SCD5: variants seen among roughly 807,000 people sequenced by gnomAD.
The protein encoded by SCD5 is stearoyl-CoA desaturase 5.
Under a neutral mutation model 30.4 loss-of-function variants are expected in SCD5, and 20 were observed. The ratio of observed to expected loss-of-function variants is 0.66; its 90% CI spans 0.46 to 0.96. SCD5 has a LOEUF of 0.96. Ranked by LOEUF, SCD5 falls within the 40% of genes least tolerant of loss-of-function variation. SCD5 has a pLI of 0.00. For synonymous variants in SCD5, 173 were observed against 176.4 expected, an observed-to-expected ratio of 0.98 and a Z score of 0.16; for missense variants, 381 against 443.3, an observed-to-expected ratio of 0.86 and a Z score of 1.26.
chr4:82,794,674 G>T (rs1722172199), intron 1 of SCD5, among the ~76,000 whole-genome samples: 1 of 150,158 alleles, frequency 6.7e-6, no homozygotes, highest in Non-Finnish European at 1.5e-5. Context: ...TTTTGAGACG[G>T]AGTCTCACTC....
intron 1 of SCD5, among the ~76,000 whole-genome samples, chr4:82,762,290 T>G (rs891156174): frequency 6.6e-6 from 1 of 151,052 alleles, no homozygotes; most frequent in African/African-American, 2.4e-5. Context: ...TCTCACTCTG[T>G]TGCCCAGGCT....
At chr4:82,747,009 T>C (rs1158712802) in intron 1 of SCD5, among the ~76,000 whole-genome samples, 1 of 149,878 alleles carries the variant, frequency 6.7e-6, no homozygotes. Context: ...AACAGTGGAA[T>C]GACACAGGCA....
intron 1 of SCD5, among the ~76,000 whole-genome samples, chr4:82,741,254 A>G (rs151241357): frequency 3.3e-5 from 5 of 152,124 alleles, no homozygotes; most frequent in Admixed American, 2.6e-4. Flanking sequence ...CCCACTTCTT[A>G]TATCTAGGCT....
rs554702694 is a variant in SCD5, at chr4:82,798,588, C to T, written c.-51G>A. On this transcript the variant is annotated 5_prime_UTR_variant, in exon 1 of 5. Transcript: ENST00000319540. Reference sequence around the variant, plus strand: ...CAGCGGCAGGCAGGCAGGCGCTCTGCCCGAGCGGAGCTCGAGGGTGGGGGC... The same window carrying T: ...CAGCGGCAGGCAGGCAGGCGCTCTGTCCGAGCGGAGCTCGAGGGTGGGGGC... 282 of 1,488,676 alleles carry T rather than the reference C, an allele frequency of 1.9e-4. 4 individuals carry two copies. In the South Asian group the frequency reaches 3.6e-3, roughly 19 times the overall value. The allele number at this position is 1,488,676 out of a possible 1,614,324, so 92.2% of individuals were successfully genotyped here.
At position 82,798,382 on chromosome 4, in the gene SCD5, C is replaced by G; in HGVS notation, c.156G>C (p.Leu52=). The change falls in exon 1 of 5, where the codon CTG becomes CTC. Residue 52 remains leucine, a synonymous_variant. Transcript: ENST00000319540. The stretch of plus-strand genomic sequence containing the variant: ...CGGCCCCCAAGTGGAGCAAGCTCAT[C>G]AGGACGACATTCCTCCAGACGATGT... ...RQNIVWRNVV[L]MSLLHLGAVY... 6.2e-7 allele frequency: 1 copy of G among 1,613,482 alleles called. No homozygotes were observed. The highest frequency in any genetic ancestry group is 8.5e-7 in the Non-Finnish European group (1 of 1,179,668).
chr4:82,663,787 C>A lies in SCD5; in HGVS notation c.569+16920G>T, dbSNP rs150192457. Among the ~76,000 whole-genome samples, 1,194 of 152,250 alleles carry A rather than the reference C, an allele frequency of 7.8e-3. 4 individuals carry two copies. The highest frequency in any genetic ancestry group is 0.011 in the Non-Finnish European group (770 of 68,018). On this transcript the variant is annotated intron_variant, in intron 3 of 4. Transcript: ENST00000319540. Reference sequence around the variant, plus strand: ...TGTCTCTGGGAGAGGTGTTGGGAAACCCTCACCCCCAGACATAGGCAAAGA... The same window carrying A: ...TGTCTCTGGGAGAGGTGTTGGGAAAACCTCACCCCCAGACATAGGCAAAGA...
chr4:82,781,558 T>G (rs574681325), intron 1 of SCD5, among the ~76,000 whole-genome samples: 1 of 152,308 alleles, frequency 6.6e-6, no homozygotes, highest in South Asian at 2.1e-4. Flanking sequence ...CCTAAGTTCA[T>G]GTGTTGGAAA....
At chr4:82,654,237 T>C (rs1287538427) in intron 3 of SCD5, among the ~76,000 whole-genome samples, 1 of 152,182 alleles carries the variant, frequency 6.6e-6, no homozygotes, top group Admixed American at 6.5e-5. Context: ...TTTTTATCTG[T>C]GTGACAGATT....
Position 82,798,026 on chromosome 4 carries a change from G to A in SCD5, c.232+280C>T, listed in dbSNP as rs150815693. ...CACCGCAGGACTCCGGGTCCCCCCCGGCTCTCCATCGGGAAGCCGGCAAAT... is the reference window on the plus strand; with the variant it reads ...CACCGCAGGACTCCGGGTCCCCCCCAGCTCTCCATCGGGAAGCCGGCAAAT... On this transcript the variant is annotated intron_variant, in intron 1 of 4. Coordinates refer to ENST00000319540, the MANE Select transcript of SCD5 (RefSeq NM_001037582.3). Among the ~76,000 whole-genome samples, 1,137 of 150,638 alleles carry A rather than the reference G, an allele frequency of 7.5e-3. 10 individuals are homozygous for A. The highest frequency in any genetic ancestry group is 0.01 in the Middle Eastern group (3 of 294).
At chr4:82,765,774 C>T (rs191436613) in intron 1 of SCD5, among the ~76,000 whole-genome samples, 138 of 152,166 alleles carry the variant, frequency 9.1e-4, no homozygotes, top group Middle Eastern at 3.4e-3. Flanking sequence ...GCACCGCCAT[C>T]ATACCTGGCT....
Position 82,631,472 on chromosome 4 carries a change from G to C in SCD5, c.848C>G (p.Ser283Cys). 6.2e-7 allele frequency: 1 copy of C among 1,614,224 alleles called. No individual in the cohort carries two copies. The highest frequency in any genetic ancestry group is 8.5e-7 in the Non-Finnish European group (1 of 1,180,042). ...AAAATTTAAGCCAAATTCACTCGCA[G>C]AGTAGTCAAAGGGAAAGGTGTGATG... Reference protein sequence around the residue: ...NYHHTFPFDYSASEFGLNFNP... With the variant: ...NYHHTFPFDYCASEFGLNFNP... Residue 283 changes from serine to cysteine, a missense_variant, in exon 5 of 5, where the codon TCT becomes TGT. By Grantham distance (112) the Ser-to-Cys change is moderately radical (BLOSUM62 -1). Coordinates refer to ENST00000319540, the MANE Select transcript of SCD5 (RefSeq NM_001037582.3).
intron 1 of SCD5, among the ~76,000 whole-genome samples, chr4:82,752,636 T>C (rs1424783693): frequency 1.3e-5 from 2 of 152,142 alleles, no homozygotes; most frequent in Non-Finnish European, 1.5e-5. Flanking sequence ...TATCTGTCCC[T>C]TTTCCTGTCC....
intron 1 of SCD5, among the ~76,000 whole-genome samples, chr4:82,729,359 A>G (rs10010123): frequency 0.52 from 79,207 of 151,924 alleles, 21,701 homozygotes; most frequent in African/African-American, 0.68. Flanking sequence ...GCTGGCCTGG[A>G]GCTAGAGGTT....
chr4:82,678,632 A>T (rs1728486844), intron 3 of SCD5, among the ~76,000 whole-genome samples: 1 of 152,236 alleles, frequency 6.6e-6, no homozygotes, highest in South Asian at 2.1e-4. Flanking sequence ...TGCTCAACTG[A>T]TGGAATCTTC....
At chr4:82,730,612 G>T (rs1298854073) in intron 1 of SCD5, among the ~76,000 whole-genome samples, 1 of 126,158 alleles carries the variant, frequency 7.9e-6, no homozygotes. Context: ...TTTAGAAGGA[G>T]TCTCACTCTG....
intron 4 of SCD5, among the ~76,000 whole-genome samples, chr4:82,633,593 C>A (rs1170798420): frequency 2.0e-5 from 3 of 152,228 alleles, no homozygotes; most frequent in Non-Finnish European, 4.4e-5. Flanking sequence ...AATTTACATT[C>A]TCACCAACAG....
At chr4:82,719,417 TA>T (rs764481043) in intron 1 of SCD5, among the ~76,000 whole-genome samples, 1 of 151,624 alleles carries the variant, frequency 6.6e-6, no homozygotes, top group Non-Finnish European at 1.5e-5. Flanking sequence ...TTCAAAAAGA[TA>T]AAAAGAGAAT....
intron 1 of SCD5, among the ~76,000 whole-genome samples, chr4:82,713,561 T>A (rs1720156424): frequency 6.6e-6 from 1 of 152,208 alleles, no homozygotes; most frequent in Admixed American, 6.5e-5. Flanking sequence ...TGTCACGTTG[T>A]TATTAAATAA....
intron 1 of SCD5, among the ~76,000 whole-genome samples, chr4:82,791,377 T>G (rs1428369210): frequency 6.6e-6 from 1 of 151,940 alleles, no homozygotes; most frequent in Non-Finnish European, 1.5e-5. Flanking sequence ...GTACCTGTTG[T>G]TGTGGCCACC....
Sources: allele counts gnomAD v4.1 joint callset (sites outside exome capture counted in the v4.1 genomes callset), GRCh38; gene constraint gnomAD v4.1.1; transcripts MANE v1.5; gene names NCBI Gene and HGNC (gene_info 2026-07-23, HGNC 2026-07-21).